BBX: variants seen among roughly 807,000 people sequenced by gnomAD.
BBX encodes the protein BBX high mobility group box domain containing.
Under a neutral mutation model 100.2 loss-of-function variants are expected in BBX, and 30 were observed. The ratio of observed to expected loss-of-function variants is 0.30; its 90% confidence interval spans 0.22 to 0.41. The LOEUF (loss-of-function observed/expected upper bound fraction) is 0.41. Ranked by LOEUF, BBX falls within the 10% of genes least tolerant of loss-of-function variation. The probability of loss-of-function intolerance (pLI) is 1.00; values close to 1 mark genes in which losing one functional copy is unlikely to be tolerated. For synonymous variants in BBX, 376 were observed against 388.1 expected, an observed-to-expected ratio of 0.97 and a Z score of 0.37; for missense variants, 1,023 against 1,129.8, an observed-to-expected ratio of 0.91 and a Z score of 1.35.
At chr3:107,532,619 C>T (rs1223571546) in intron 2 of BBX, among the ~76,000 whole-genome samples, 1 of 152,106 alleles carries the variant, frequency 6.6e-6, no homozygotes. Flanking sequence ...AATCTCAAAA[C>T]AATGTGAAAA....
chr3:107,544,776 C>T (rs1282125101), intron 2 of BBX, among the ~76,000 whole-genome samples: 1 of 146,954 alleles, frequency 6.8e-6, no homozygotes, highest in Admixed American at 7.0e-5. Context: ...GCGGCCAAGG[C>T]GGGCGGATCA....
intron 2 of BBX, among the ~76,000 whole-genome samples, chr3:107,581,174 G>C (rs1472682941): frequency 1.3e-5 from 2 of 151,966 alleles, no homozygotes; most frequent in Non-Finnish European, 1.5e-5. Context: ...TGATGATTTT[G>C]CCTTAAAATG....
intron 2 of BBX, among the ~76,000 whole-genome samples, chr3:107,625,380 C>T (rs1212631737): frequency 6.6e-6 from 1 of 152,146 alleles, no homozygotes; most frequent in Admixed American, 6.5e-5. Context: ...CACACAGTAG[C>T]GATTCTCTTG....
chr3:107,702,365 A>G (rs1350175205), intron 3 of BBX, among the ~76,000 whole-genome samples: 3 of 152,160 alleles, frequency 2.0e-5, no homozygotes, highest in Non-Finnish European at 4.4e-5. Flanking sequence ...TGCCTTGTCA[A>G]TTTGCTTGTT....
chr3:107,528,754 A>G (rs570854757), intron 2 of BBX, among the ~76,000 whole-genome samples: 1 of 152,350 alleles, frequency 6.6e-6, no homozygotes, highest in South Asian at 2.1e-4. Flanking sequence ...TGTTGTAAAA[A>G]TAAATAGGTC....
In BBX at chr3:107,809,162, A is replaced by G. The variant is rs2071193365; in HGVS notation, c.*3705A>G. ...AGTCACAAGCTAATTACAAATTGCT[A>G]CAGAACAGGAGTAAGCTGAAAACTG... On this transcript the variant is annotated 3_prime_UTR_variant, in exon 18 of 18. Coordinates refer to ENST00000325805, the MANE Select transcript of BBX (RefSeq NM_001142568.3). 1.3e-5 allele frequency: 2 copies of G among 152,254 alleles called. No individual in the cohort carries two copies. Among genetic ancestry groups the G allele is most frequent in the African/African-American group, 4.8e-5 (2 of 41,466 alleles). 9.4% of individuals were successfully genotyped at this position (152,254 alleles called of 1,614,324 possible). A position where few individuals can be genotyped will look rare whatever the true frequency, so the allele number is the denominator to read the frequency against.
intron 3 of BBX, among the ~76,000 whole-genome samples, chr3:107,665,488 A>G (rs544873075): frequency 1.2e-4 from 19 of 152,122 alleles, no homozygotes; most frequent in Middle Eastern, 3.4e-3. Context: ...GTCTGAATCT[A>G]TCTACCTTAC....
At chr3:107,732,497 C>A (rs577122927) in intron 6 of BBX, among the ~76,000 whole-genome samples, 2 of 152,090 alleles carry the variant, frequency 1.3e-5, no homozygotes, top group East Asian at 3.8e-4. Flanking sequence ...GATTTGAAAA[C>A]TTCTCTCTGT....
At chr3:107,575,225 C>G (rs1389977824) in intron 2 of BBX, among the ~76,000 whole-genome samples, 1 of 152,144 alleles carries the variant, frequency 6.6e-6, no homozygotes, top group Non-Finnish European at 1.5e-5. Context: ...CTCCACCGTC[C>G]TCCCCTTTTC....
intron 10 of BBX, among the ~76,000 whole-genome samples, chr3:107,767,821 C>T (rs2066517696): frequency 6.6e-6 from 1 of 152,066 alleles, no homozygotes; most frequent in Non-Finnish European, 1.5e-5. Context: ...CTTTCCTTGG[C>T]TCCTATGTCC....
rs2070068500 is a variant in BBX, at chr3:107,798,868, A to G, written c.2551+148A>G. The G allele has an allele frequency of 1.3e-5, 12 of 903,314 alleles. No homozygotes were observed. In the Admixed American group the frequency reaches 2.9e-4, roughly 22 times the overall value. The allele number at this position is 903,314 out of a possible 1,614,324, so 56.0% of individuals were successfully genotyped here. On this transcript the variant is annotated intron_variant, in intron 16 of 17. Coordinates refer to ENST00000325805, the MANE Select transcript of BBX (RefSeq NM_001142568.3). Reference sequence around the variant, plus strand: ...AAAAAAAACAAAAACAAAAAAAACCAGGCCAGGCGCGGTGGCTCACGTCTG... The same window carrying G: ...AAAAAAAACAAAAACAAAAAAAACCGGGCCAGGCGCGGTGGCTCACGTCTG...
intron 2 of BBX, among the ~76,000 whole-genome samples, chr3:107,587,652 GGGATCGTGACTTAACA>G (rs1346155385): frequency 1.3e-5 from 2 of 152,094 alleles, no homozygotes; most frequent in Non-Finnish European, 2.9e-5. Flanking sequence ...GCAAATAGTC[GGGATCGTGACTTAACA>G]GGAGATGCGG....
intron 7 of BBX, among the ~76,000 whole-genome samples, chr3:107,739,094 A>G (rs557605094): frequency 1.7e-4 from 26 of 152,306 alleles, no homozygotes; most frequent in African/African-American, 6.3e-4. Context: ...ACAATTTTAA[A>G]CAAATACAGA....
chr3:107,565,027 TACAAA>T (rs1385569359), intron 2 of BBX, among the ~76,000 whole-genome samples: 1 of 152,240 alleles, frequency 6.6e-6, no homozygotes, highest in Non-Finnish European at 1.5e-5. Context: ...GTTTTTTTCC[TACAAA>T]TCTCACACAT....
chr3:107,734,214 T>G (rs561935140), intron 7 of BBX, among the ~76,000 whole-genome samples: 1 of 152,344 alleles, frequency 6.6e-6, no homozygotes, highest in South Asian at 2.1e-4. Flanking sequence ...TTTTTTATAG[T>G]TTACATTTGG....
intron 2 of BBX, among the ~76,000 whole-genome samples, chr3:107,529,425 A>G (rs1364608263): frequency 6.6e-6 from 1 of 152,246 alleles, no homozygotes; most frequent in Non-Finnish European, 1.5e-5. Flanking sequence ...TACTAAGGAC[A>G]TTGTAATCTT....
At position 107,584,087 on chromosome 3, in the gene BBX, ATCAT is replaced by A. The variant is rs1418296637; in HGVS notation, c.-84+57690_-84+57693del. ...ATCATATATTATATATATTATATAT[ATCAT>A]ATATTATATATATTATATATTATAT... On this transcript the variant is annotated intron_variant, in intron 2 of 17. Coordinates refer to ENST00000325805, the MANE Select transcript of BBX (RefSeq NM_001142568.3). Among the ~76,000 whole-genome samples, 7 of 30,822 alleles carry A rather than the reference ATCAT, an allele frequency of 2.3e-4. 1 individual carries two copies. The South Asian group carries it at 4.0e-3, about 17-fold the overall frequency. 20.2% of individuals were successfully genotyped at this position (30,822 alleles called of 152,430 possible).
chr3:107,606,153 G>A lies in BBX; in HGVS notation c.-83-39683G>A, dbSNP rs552559052. On this transcript the variant is annotated intron_variant, in intron 2 of 17. Coordinates refer to ENST00000325805, the MANE Select transcript of BBX (RefSeq NM_001142568.3). ...CCAAAGAATGAATAGCCTAGGGTCA[G>A]TTTGTATATGTATCTAACCCAAATG... Among the ~76,000 whole-genome samples the A allele has an allele frequency of 2.0e-5, 3 of 152,304 alleles. No homozygotes were observed. The East Asian group carries it at 5.8e-4, about 29-fold the overall frequency.
At chr3:107,748,257 A>G (rs1033299428) in intron 9 of BBX, among the ~76,000 whole-genome samples, 1 of 152,246 alleles carries the variant, frequency 6.6e-6, no homozygotes, top group Admixed American at 6.5e-5. Flanking sequence ...AGTATTCATT[A>G]AAGAGTTCAT....
Sources: gnomAD v4.1 joint callset for allele counts (sites outside exome capture counted in the v4.1 genomes callset) on GRCh38, gnomAD v4.1.1 for gene constraint, MANE v1.5 for transcripts, NCBI Gene and HGNC (gene_info 2026-07-23, HGNC 2026-07-21) for gene names.